Variants in NMS observed in about 807,000 individuals in gnomAD.
NMS encodes the protein neuromedin-S.
Under a neutral mutation model 32.2 loss-of-function variants are expected in NMS, and 30 were observed. The observed-to-expected ratio is 0.93, with a 90% confidence interval of 0.70 to 1.26. NMS has a LOEUF of 1.26. NMS is among the 50% of genes most tolerant of loss of function. The probability of loss-of-function intolerance (pLI) is 0.00; values close to 1 mark genes in which losing one functional copy is unlikely to be tolerated. For missense variants in NMS, 190 were observed against 186.3 expected (o/e 1.02, Z -0.12); for synonymous variants, 76 against 58.5 (o/e 1.30, Z -1.37).
chr2:100,477,336 A>T (rs766070168), intron 4 of NMS, 25 bp from the exon 5 acceptor site: 2 of 1,611,180 alleles, frequency 1.2e-6, no homozygotes, highest in African/African-American at 1.3e-5. Flanking sequence ...ACTCGATACT[A>T]ATATCACTTT....
Position 100,482,295 on chromosome 2 carries a change from A to G in NMS, c.433A>G (p.Ile145Val). The change falls in exon 9 of 10, where the codon ATT becomes GTT. Residue 145 changes from isoleucine to valine, a missense_variant. Coordinates refer to ENST00000376865, the MANE Select transcript of NMS (RefSeq NM_001011717.1). ...FLFRPRNGRN[I>V]EDEAQIQW Reference sequence around the variant, plus strand: ...TTTTCAGCCCAGGAATGGAAGAAACATTGAAGATGAGGCCCAGTAGGTAGT... The same window carrying G: ...TTTTCAGCCCAGGAATGGAAGAAACGTTGAAGATGAGGCCCAGTAGGTAGT... 2 of 1,614,048 alleles carry G rather than the reference A, an allele frequency of 1.2e-6. No homozygotes were observed. The highest frequency in any genetic ancestry group is 8.5e-7 in the Non-Finnish European group (1 of 1,179,978).
At chr2:100,479,331 T>A (rs1418111632) in intron 5 of NMS, 22 bp from the exon 6 acceptor site, 1 of 1,592,966 alleles carries the variant, frequency 6.3e-7, no homozygotes, top group Admixed American at 1.7e-5. Context: ...TGTCTGACCC[T>A]CTCCGCGCCT....
intron 2 of NMS, 78 bp downstream of exon 2, chr2:100,472,928 AAC>A: frequency 1.0e-6 from 1 of 958,962 alleles, no homozygotes; most frequent in Non-Finnish European, 1.6e-6. Context: ...GTTCACTTAA[AAC>A]TATTTTGAGA....
chr2:100,477,791 C>T (rs1184053449), intron 5 of NMS, among the ~76,000 whole-genome samples: 1 of 152,146 alleles, frequency 6.6e-6, no homozygotes, highest in African/African-American at 2.4e-5. Context: ...TACCATCCCC[C>T]AGTGGTGATC....
chr2:100,471,245 A>C (rs978903669), intron 1 of NMS, among the ~76,000 whole-genome samples: 2 of 152,360 alleles, frequency 1.3e-5, no homozygotes, highest in South Asian at 4.1e-4. Context: ...CAGAACAACT[A>C]CGGTTGGAAA....
At position 100,480,512 on chromosome 2, in the gene NMS, C is replaced by A; in HGVS notation, c.353C>A (p.Ala118Glu). 6.2e-7 allele frequency: 1 copy of A among 1,613,264 alleles called. No individual in the cohort carries two copies. Among genetic ancestry groups the A allele is most frequent in the Admixed American group, 1.7e-5 (1 of 60,020 alleles). The change falls in exon 7 of 10, where the codon GCA (alanine) becomes GAA (glutamate). Residue 118 changes from alanine to glutamate, a missense_variant. Transcript: ENST00000376865. The stretch of plus-strand genomic sequence containing the variant: ...TCCTTGCAGGGCTCGGGGACTGCTG[C>A]AGTGGACTTCACCAAGAAGGTACAC... ...RILQRGSGTA[A>E]VDFTKKDHTA...
chr2:100,479,542 C>A, intron 6 of NMS, 115 bp downstream of exon 6: 2 of 923,246 alleles, frequency 2.2e-6, no homozygotes, highest in Non-Finnish European at 3.3e-6. Flanking sequence ...ATCTTAGTCT[C>A]CACCTTGGCA....
chr2:100,474,423 C>A (rs753359847), intron 3 of NMS, among the ~76,000 whole-genome samples: 9 of 152,204 alleles, frequency 5.9e-5, no homozygotes, highest in Non-Finnish European at 1.3e-4. Context: ...AGGCCCTTGA[C>A]GTCCTTGCAC....
chr2:100,473,862 C>G (rs932887989), intron 3 of NMS, among the ~76,000 whole-genome samples: 1 of 152,014 alleles, frequency 6.6e-6, no homozygotes, highest in African/African-American at 2.4e-5. Context: ...TTCTCCAAAA[C>G]AATAGTTATC....
intron 8 of NMS, 61 bp downstream of exon 8, chr2:100,481,228 T>G: frequency 6.7e-7 from 1 of 1,494,504 alleles, no homozygotes; most frequent in South Asian, 1.1e-5. Flanking sequence ...ATCCCAATCA[T>G]GGAGTGACTG....
chr2:100,475,862 G>T (rs1421330433), intron 3 of NMS, among the ~76,000 whole-genome samples: 1 of 151,892 alleles, frequency 6.6e-6, no homozygotes. Context: ...AGCCAGGCGT[G>T]GTGGCGTGTG....
intron 5 of NMS, among the ~76,000 whole-genome samples, chr2:100,478,645 AT>A (rs1270369339): frequency 6.6e-6 from 1 of 151,554 alleles, no homozygotes. Flanking sequence ...CTTATTTTTA[AT>A]AAAGACGGGG....
intron 1 of NMS, among the ~76,000 whole-genome samples, chr2:100,472,434 G>A (rs1009909080): frequency 6.6e-6 from 1 of 152,200 alleles, no homozygotes; most frequent in Non-Finnish European, 1.5e-5. Flanking sequence ...ACCATTTTCT[G>A]AGATGCCATC....
rs984899517 is a variant in NMS at position 100,475,509 on chromosome 2, A to G, written c.184-1735A>G. The stretch of plus-strand genomic sequence containing the variant: ...AGACGTTTCAACTGGGAAAACTGCA[A>G]TAAGTTCTTGTGAACAGGGCTCTAC... On this transcript the variant is annotated intron_variant, in intron 3 of 9. Coordinates refer to ENST00000376865, the MANE Select transcript of NMS (RefSeq NM_001011717.1). Among the ~76,000 whole-genome samples the G allele has an allele frequency of 5.9e-5, 9 of 152,306 alleles. No individual in the cohort carries two copies. In the East Asian group the frequency reaches 7.7e-4, roughly 13 times the overall value.
At chr2:100,474,776 G>C (rs187854575) in intron 3 of NMS, among the ~76,000 whole-genome samples, 87 of 152,312 alleles carry the variant, frequency 5.7e-4, no homozygotes, top group Non-Finnish European at 1.2e-3. Context: ...CAAATTTCAT[G>C]AATACATCAG....
Position 100,483,180 on chromosome 2 carries a change from C to A in NMS, c.450-72C>A, listed in dbSNP as rs1677251738. The A allele has an allele frequency of 3.0e-6, 4 of 1,342,090 alleles. No homozygotes were observed. The African/African-American group carries it at 5.9e-5, about 20-fold the overall frequency. 83.1% of individuals were successfully genotyped at this position (1,342,090 alleles called of 1,614,324 possible). ...ATTGTAAAATATGTTACATAATAAC[C>A]TGCCCATGGGCTTTGTCTTGATTCC... is the stretch of plus-strand genomic sequence containing the variant. On this transcript the variant is annotated intron_variant, in intron 9 of 9. Transcript: ENST00000376865.
rs1558669693 is a variant in NMS at position 100,480,479 on chromosome 2, G to A, written c.337-17G>A. 3 of 1,613,462 alleles carry A rather than the reference G, an allele frequency of 1.9e-6. No homozygotes were observed. The highest frequency in any genetic ancestry group is 1.7e-6 in the Non-Finnish European group (2 of 1,179,704). On this transcript the variant is annotated splice_polypyrimidine_tract_variant and intron_variant, in intron 6 of 9. Transcript: ENST00000376865. ...TGTGGTTCCTGTTGAATTAACCTGTGCCTCATTTCCTTGCAGGGCTCGGGG... is the reference window on the plus strand; with the variant it reads ...TGTGGTTCCTGTTGAATTAACCTGTACCTCATTTCCTTGCAGGGCTCGGGG...
intron 1 of NMS, among the ~76,000 whole-genome samples, chr2:100,471,337 A>G (rs1248957349): frequency 1.3e-5 from 2 of 152,220 alleles, no homozygotes; most frequent in Non-Finnish European, 2.9e-5. Context: ...CAGAGAAAAC[A>G]TATTTCAAAC....
intron 3 of NMS, among the ~76,000 whole-genome samples, chr2:100,475,450 T>A (rs549193271): frequency 6.6e-6 from 1 of 152,284 alleles, no homozygotes; most frequent in Non-Finnish European, 1.5e-5. Flanking sequence ...AAACTCTTCA[T>A]GTTTCGTGTT....
Sources: gnomAD v4.1 joint callset for allele counts (sites outside exome capture counted in the v4.1 genomes callset) on GRCh38, gnomAD v4.1.1 for gene constraint, MANE v1.5 for transcripts, NCBI Gene and HGNC (gene_info 2026-07-23, HGNC 2026-07-21) for gene names.